Variants in NBAS observed in about 807,000 individuals in gnomAD.
NBAS encodes NAG/BC035112 fusion.
Under a neutral mutation model 302.5 loss-of-function variants are expected in NBAS, and 219 were observed. The observed-to-expected ratio is 0.72, with a 90% CI of 0.65 to 0.81. The LOEUF is 0.81. Ranked by LOEUF, NBAS falls within the 30% of genes least tolerant of loss-of-function variation. The probability of loss-of-function intolerance (pLI) is 0.00; values close to 1 mark genes in which losing one functional copy is unlikely to be tolerated. For synonymous variants in NBAS, 1,118 were observed against 1,021.6 expected (o/e 1.09, Z -1.80); for missense variants, 2,932 against 2,841.6 (o/e 1.03, Z -0.72).
At chr2:15,374,991 G>T (rs1336299224) in intron 30 of NBAS, among the ~76,000 whole-genome samples, 3 of 152,086 alleles carry the variant, frequency 2.0e-5, no homozygotes, top group African/African-American at 7.2e-5. Context: ...ATGGCATCAT[G>T]GTAGGAAGCA....
At chr2:14,782,586 C>T in the NBAS span, among the ~76,000 whole-genome samples, 1 of 152,086 alleles carries the variant, frequency 6.6e-6, no homozygotes, top group Non-Finnish European at 1.5e-5. Flanking sequence ...TACCATTTGA[C>T]CCAGCAATTC....
chr2:15,547,235 A>G (rs1453914767), intron 6 of NBAS, among the ~76,000 whole-genome samples: 1 of 152,122 alleles, frequency 6.6e-6, no homozygotes, highest in Non-Finnish European at 1.5e-5. Context: ...CAGTTTGTAG[A>G]CTCTGCAATA....
intron 51 of NBAS, among the ~76,000 whole-genome samples, chr2:15,175,834 T>C (rs1373689430): frequency 6.6e-6 from 1 of 152,208 alleles, no homozygotes; most frequent in Non-Finnish European, 1.5e-5. Context: ...GCATCATCCT[T>C]TTAACTGTAA....
intron 11 of NBAS, among the ~76,000 whole-genome samples, chr2:15,496,306 G>A (rs1420132375): frequency 1.3e-5 from 2 of 152,062 alleles, no homozygotes; most frequent in Admixed American, 6.6e-5. Context: ...AAAGATTAGG[G>A]GTTGCTTACG....
chr2:15,153,596 C>T, the NBAS span, among the ~76,000 whole-genome samples: 95,519 of 152,194 alleles, frequency 0.63, 32,834 homozygotes, highest in African/African-American at 0.9. Flanking sequence ...TGTTGAGAAG[C>T]TGGACCAGTT....
At chr2:15,384,524 AC>A (rs5829504) in intron 28 of NBAS, among the ~76,000 whole-genome samples, 93,379 of 146,828 alleles carry the variant, frequency 0.64, 29,848 homozygotes, top group Middle Eastern at 0.69. Context: ...ATATGAAAAG[AC>A]CCCCCCCCCA....
the NBAS span, among the ~76,000 whole-genome samples, chr2:15,019,633 G>A: frequency 1.1e-3 from 165 of 152,162 alleles, no homozygotes; most frequent in Non-Finnish European, 3.5e-4. Context: ...CTGAATTTTT[G>A]TGTTCCTCCA....
chr2:15,110,870 C>A, the NBAS span, among the ~76,000 whole-genome samples: 1 of 151,944 alleles, frequency 6.6e-6, no homozygotes, highest in African/African-American at 2.4e-5. Flanking sequence ...ATCGTGAAAA[C>A]CTCTAACATG....
At chr2:14,878,874 C>T in the NBAS span, among the ~76,000 whole-genome samples, 77 of 152,220 alleles carry the variant, frequency 5.1e-4, no homozygotes, top group African/African-American at 1.8e-3. Context: ...TGGGTTTAGA[C>T]AAACATATGA....
chr2:15,355,488 G>A (rs562164337), intron 33 of NBAS, among the ~76,000 whole-genome samples: 2 of 152,082 alleles, frequency 1.3e-5, no homozygotes, highest in South Asian at 2.1e-4. Flanking sequence ...TCTCAACATC[G>A]GTTTGAAAAG....
At chr2:15,400,040 T>G (rs1676072426) in intron 26 of NBAS, among the ~76,000 whole-genome samples, 1 of 152,104 alleles carries the variant, frequency 6.6e-6, no homozygotes, top group African/African-American at 2.4e-5. Flanking sequence ...AGGAAGCTAT[T>G]TGACAGTATG....
intron 32 of NBAS, among the ~76,000 whole-genome samples, chr2:15,363,351 T>C (rs769677517): frequency 4.9e-4 from 75 of 152,226 alleles, no homozygotes; most frequent in Non-Finnish European, 5.7e-4. Flanking sequence ...GTCTCTTTCA[T>C]AACCTCATTT....
At chr2:14,818,387 A>T in the NBAS span, among the ~76,000 whole-genome samples, 1 of 152,136 alleles carries the variant, frequency 6.6e-6, no homozygotes, top group Non-Finnish European at 1.5e-5. Context: ...CATCTCATTT[A>T]CTTTTCTCAA....
the NBAS span, among the ~76,000 whole-genome samples, chr2:14,954,261 C>T: frequency 6.6e-6 from 1 of 152,140 alleles, no homozygotes; most frequent in African/African-American, 2.4e-5. Context: ...TTGAGGTCTG[C>T]TATGTGGAAA....
At chr2:15,055,166 A>G in the NBAS span, among the ~76,000 whole-genome samples, 1 of 152,210 alleles carries the variant, frequency 6.6e-6, no homozygotes, top group African/African-American at 2.4e-5. Flanking sequence ...GCAAGGGGAA[A>G]TCACGAACAA....
In NBAS at chr2:15,308,312, AGAGGGG is replaced by A; in HGVS notation, c.4695_4700del (p.Pro1566_Ser1567del). ...ACGCTGCCAGCTGGAGAGATAATGC[AGAGGGG>A]GACTGCTTTTCAAAGCACCGGTTAG... On this transcript the variant is annotated inframe_deletion, in exon 40 of 52. Coordinates refer to ENST00000281513, the MANE Select transcript of NBAS (RefSeq NM_015909.4). 1 of 1,614,220 alleles carries A rather than the reference AGAGGGG, an allele frequency of 6.2e-7. No individual in the cohort carries two copies. The highest frequency in any genetic ancestry group is 1.6e-4 in the Middle Eastern group (1 of 6,062).
chr2:15,028,193 CT>C, the NBAS span, among the ~76,000 whole-genome samples: 3 of 152,160 alleles, frequency 2.0e-5, no homozygotes, highest in Non-Finnish European at 2.9e-5. Context: ...TTTTAACTGA[CT>C]TTTAAACAAC....
At chr2:14,809,842 C>G in the NBAS span, among the ~76,000 whole-genome samples, 204 of 152,326 alleles carry the variant, frequency 1.3e-3, no homozygotes, top group African/African-American at 3.6e-3. Flanking sequence ...CCTGCAAAGC[C>G]ACAGGGGTGG....
the NBAS span, among the ~76,000 whole-genome samples, chr2:15,118,042 C>T: frequency 6.6e-6 from 1 of 152,288 alleles, no homozygotes; most frequent in East Asian, 1.9e-4. Context: ...CAGGAATGGG[C>T]TTTATTAACA....
Sources: gnomAD v4.1 joint callset for allele counts (sites outside exome capture counted in the v4.1 genomes callset) on GRCh38, gnomAD v4.1.1 for gene constraint, MANE v1.5 for transcripts, NCBI Gene and HGNC (gene_info 2026-07-23, HGNC 2026-07-21) for gene names.